The following NGEF variants were observed in gnomAD, a reference collection of about 807,000 sequenced individuals.
The protein encoded by NGEF is ephexin-1.
A neutral mutation model predicts 80.9 loss-of-function variants in NGEF; 31 were observed. That is an observed-to-expected ratio of 0.38 (90% CI 0.29 to 0.52). NGEF has a LOEUF of 0.52. Ranked by LOEUF, NGEF falls within the 20% of genes least tolerant of loss-of-function variation. The probability of loss-of-function intolerance (pLI) is 0.84; values close to 1 mark genes in which losing one functional copy is unlikely to be tolerated. For synonymous variants in NGEF, 371 were observed against 370.2 expected, an observed-to-expected ratio of 1.00 and a Z score of -0.03; for missense variants, 709 against 926.2, an observed-to-expected ratio of 0.77 and a Z score of 3.04.
chr2:232,925,513 G>A (rs747463), intron 4 of NGEF, among the ~76,000 whole-genome samples: 66,027 of 151,936 alleles, frequency 0.43, 14,453 homozygotes, highest in Admixed American at 0.46. Flanking sequence ...CGCCCCAAAC[G>A]ACCAGGCACT....
At chr2:232,927,850 G>A in intron 3 of NGEF, 1 of 1,215,810 alleles carries the variant, frequency 8.2e-7, no homozygotes, top group East Asian at 3.4e-5. Context: ...AAAGAGGCAC[G>A]CGGGGGCGGC....
At chr2:232,991,519 T>G in intron 1 of NGEF, among the ~76,000 whole-genome samples, 1 of 151,870 alleles carries the variant, frequency 6.6e-6, no homozygotes, top group Non-Finnish European at 1.5e-5. Flanking sequence ...AATAAAGTAC[T>G]TAGGAATACA....
intron 3 of NGEF, among the ~76,000 whole-genome samples, chr2:232,944,373 G>T (rs1693506055): frequency 6.6e-6 from 1 of 152,182 alleles, no homozygotes; most frequent in Admixed American, 6.5e-5. Context: ...GTTATTCATT[G>T]TGGCATTATT....
chr2:232,906,589 C>T (rs1336887417), intron 5 of NGEF, among the ~76,000 whole-genome samples: 2 of 55,518 alleles, frequency 3.6e-5, no homozygotes, highest in African/African-American at 1.2e-4. Flanking sequence ...CTCCGGCCAC[C>T]CCTACTGGGA....
In NGEF at chr2:232,920,483, G is replaced by T. The variant is rs778585097; in HGVS notation, c.629C>A (p.Ala210Asp). 1 of 1,611,808 alleles carries T rather than the reference G, an allele frequency of 6.2e-7. No homozygotes were observed. The highest frequency in any genetic ancestry group is 1.1e-5 in the South Asian group (1 of 90,766). Reference sequence around the variant, plus strand: ...TTCCTCCTCCGGGGTGTCCTCACTGGCCGGGGACCCATTGGTATTGTCTTC... The same window carrying T: ...TTCCTCCTCCGGGGTGTCCTCACTGTCCGGGGACCCATTGGTATTGTCTTC... ...EIEDNTNGSP[A>D]SEDTPEEEEE... Residue 210 changes from alanine to aspartate, a missense_variant, in exon 5 of 15, where the codon GCC (alanine) becomes GAC (aspartate). Physicochemically the swap from Ala to Asp is moderately radical, Grantham distance 126. Transcript: ENST00000264051.
intron 3 of NGEF, among the ~76,000 whole-genome samples, chr2:232,959,842 G>T (rs1440142523): frequency 6.6e-6 from 1 of 152,182 alleles, no homozygotes; most frequent in Non-Finnish European, 1.5e-5. Flanking sequence ...GCCTCCCAAA[G>T]TGCTGGGATT....
chr2:232,985,880 A>G lies in NGEF; in HGVS notation c.-74-10916T>C, dbSNP rs140701255. ...CTTGAATCTGGGAAGCAGAGGTTGC[A>G]GTGAGCCCAGATCACGCCATTGCCC... On this transcript the variant is annotated intron_variant, in intron 1 of 14. Coordinates refer to ENST00000264051, the MANE Select transcript of NGEF (RefSeq NM_019850.3). Among the ~76,000 whole-genome samples, 129 of 152,030 alleles carry G rather than the reference A, an allele frequency of 8.5e-4. 4 individuals carry two copies. The East Asian group carries it at 0.015, about 17-fold the overall frequency.
chr2:232,987,705 G>A (rs1328893271), intron 1 of NGEF, among the ~76,000 whole-genome samples: 1 of 152,172 alleles, frequency 6.6e-6, no homozygotes, highest in African/African-American at 2.4e-5. Flanking sequence ...AGCTGGCTTT[G>A]AGCTGGGGGA....
At chr2:232,934,055 A>C (rs1175852804) in intron 3 of NGEF, among the ~76,000 whole-genome samples, 1 of 152,112 alleles carries the variant, frequency 6.6e-6, no homozygotes, top group Non-Finnish European at 1.5e-5. Context: ...CATCCTGGCC[A>C]ATATGGTGAA....
intron 3 of NGEF, among the ~76,000 whole-genome samples, chr2:232,963,561 C>G (rs1419042987): frequency 6.6e-6 from 1 of 151,966 alleles, no homozygotes; most frequent in East Asian, 1.9e-4. Context: ...TGTCTGTAAT[C>G]CCAGCCCTTT....
chr2:232,920,430 C>A lies in NGEF; in HGVS notation c.682G>T (p.Ala228Ser). 6.2e-7 allele frequency: 1 copy of A among 1,613,848 alleles called. No individual in the cohort carries two copies. The highest frequency in any genetic ancestry group is 8.5e-7 in the Non-Finnish European group (1 of 1,179,892). The part of the protein sequence containing the change: ...EEEEEEEEEP[A>S]SPPERKTLPQ... ...AGAGTCTTCCTCTCTGGTGGGCTGG[C>A]CGGCTCCTCCTCCTCCTCCTCTTCT... The change falls in exon 5 of 15, where the codon GCC becomes TCC. Residue 228 changes from alanine to serine, a missense_variant. Around this residue, in one of 2 missense-constraint regions of NGEF, gnomAD observed 283 missense variants for 303.4 expected, o/e 0.93. Coordinates refer to ENST00000264051, the MANE Select transcript of NGEF (RefSeq NM_019850.3).
At chr2:232,885,030 G>C in intron 10 of NGEF, 1 of 515,572 alleles carries the variant, frequency 1.9e-6, no homozygotes, top group Non-Finnish European at 3.5e-6. Flanking sequence ...ACCCTGCGTG[G>C]GTCTGGGCCG....
chr2:232,977,005 G>A (rs532616862), intron 1 of NGEF, among the ~76,000 whole-genome samples: 3 of 152,164 alleles, frequency 2.0e-5, no homozygotes, highest in South Asian at 4.1e-4. Flanking sequence ...CACCCTTCCC[G>A]GGAGTGCCTG....
intron 3 of NGEF, among the ~76,000 whole-genome samples, chr2:232,965,416 A>G (rs1574641449): frequency 6.6e-6 from 1 of 152,204 alleles, no homozygotes; most frequent in East Asian, 1.9e-4. Flanking sequence ...GGGACCCAGT[A>G]TGAGAAGACA....
chr2:232,981,106 G>T (rs1267767328), intron 1 of NGEF, among the ~76,000 whole-genome samples: 4 of 140,688 alleles, frequency 2.8e-5, no homozygotes, highest in Non-Finnish European at 4.6e-5. Flanking sequence ...GAAAACAAGA[G>T]AAAGGAGGAT....
chr2:232,945,190 C>T (rs1259925740), intron 3 of NGEF, among the ~76,000 whole-genome samples: 13 of 151,632 alleles, frequency 8.6e-5, no homozygotes. Context: ...GATAACATAA[C>T]CCACAGGAAA....
rs569174910 is a variant in NGEF at position 232,935,155 on chromosome 2, C to T, written c.384-7969G>A. 5.3e-5 allele frequency among the ~76,000 whole-genome samples: 8 copies of T among 152,252 alleles called. No individual in the cohort carries two copies. The East Asian group carries it at 1.5e-3, about 29-fold the overall frequency. ...CTAAACATTGGAAGCAAAGTGCATT[C>T]TTATTTACATACTAAATTCAGCCTT... is the stretch of plus-strand genomic sequence containing the variant. On this transcript the variant is annotated intron_variant, in intron 3 of 14. Transcript: ENST00000264051.
At chr2:232,931,383 A>G (rs1362778113) in intron 3 of NGEF, among the ~76,000 whole-genome samples, 1 of 152,172 alleles carries the variant, frequency 6.6e-6, no homozygotes, top group Non-Finnish European at 1.5e-5. Context: ...GAAATTGGAT[A>G]TTTAGTTGAG....
At position 232,962,091 on chromosome 2, in the gene NGEF, C is replaced by T. The variant is rs183455291; in HGVS notation, c.383+8123G>A. Among the ~76,000 whole-genome samples the T allele has an allele frequency of 3.2e-3, 494 of 152,300 alleles. 2 individuals are homozygous for T. The highest frequency in any genetic ancestry group is 0.011 in the African/African-American group (458 of 41,574). ...TATCCCTCTTTTACTTGAGCAAATT[C>T]GGGTAGGCTTCTGATCTTTGTCATC... is the stretch of plus-strand genomic sequence containing the variant. On this transcript the variant is annotated intron_variant, in intron 3 of 14. Transcript: ENST00000264051.
Sources: gnomAD v4.1 joint callset for allele counts (sites outside exome capture counted in the v4.1 genomes callset) on GRCh38, gnomAD v4.1.1 for gene constraint, gnomAD v4.1.1 regional missense constraint, MANE v1.5 for transcripts, NCBI Gene and HGNC (gene_info 2026-07-23, HGNC 2026-07-21) for gene names.